The following EVC variants were observed in gnomAD, a reference collection of about 807,000 sequenced individuals.
EVC encodes the protein evC complex member EVC.
A neutral mutation model predicts 118.9 loss-of-function variants in EVC; 116 were observed. That is an observed-to-expected ratio of 0.98 (90% CI 0.84 to 1.14). The LOEUF (loss-of-function observed/expected upper bound fraction) is 1.14. EVC is among the 50% of genes most tolerant of loss of function. EVC has a pLI of 0.00. For synonymous variants in EVC, 619 were observed against 534.7 expected, an observed-to-expected ratio of 1.16 and a Z score of -2.18; for missense variants, 1,401 against 1,246.4, an observed-to-expected ratio of 1.12 and a Z score of -1.87.
In EVC at chr4:5,797,230, C is replaced by T; in HGVS notation, c.2095C>T (p.Leu699=). 6.2e-7 allele frequency: 1 copy of T among 1,604,918 alleles called. No individual in the cohort carries two copies. The highest frequency in any genetic ancestry group is 8.5e-7 in the Non-Finnish European group (1 of 1,176,884). ...DEHQWQLLRA[L]EARVLEEASR... ...GCATCAGTGGCAGCTGCTCAGGGCC[C>T]TGGTAAGACCAGCATGGTGGCCCCA... is the stretch of plus-strand genomic sequence containing the variant. The change falls in exon 14 of 21, where the codon CTG becomes TTG. Residue 699 remains leucine, a splice_region_variant and synonymous_variant. Coordinates refer to ENST00000264956, the MANE Select transcript of EVC (RefSeq NM_153717.3).
Position 5,798,883 on chromosome 4 carries a change from A to G in EVC, c.2304+91A>G, listed in dbSNP as rs1001319367. The stretch of plus-strand genomic sequence containing the variant: ...GGGTCTGCTCCTTGCCACACCGTTC[A>G]TGGAGCTTGTGGCCTAGTAGACTTT... On this transcript the variant is annotated intron_variant, in intron 15 of 20. Coordinates refer to ENST00000264956, the MANE Select transcript of EVC (RefSeq NM_153717.3). This position sits in a 1 kb window ranked among gnomAD's most constrained non-coding sequence, Gnocchi z 4.1. 15 of 1,378,852 alleles carry G rather than the reference A, an allele frequency of 1.1e-5. No individual in the cohort carries two copies. In the Admixed American group the frequency reaches 2.9e-4, roughly 27 times the overall value. 85.4% of individuals were successfully genotyped at this position (1,378,852 alleles called of 1,614,324 possible).
chr4:5,797,536 C>G, intron 14 of EVC: 1 of 507,252 alleles, frequency 2.0e-6, no homozygotes, highest in Non-Finnish European at 3.6e-6. Context: ...TCCTCCAGGT[C>G]CTTCCTCTGT....
intron 7 of EVC, 72 bp downstream of exon 7, chr4:5,745,413 G>C: frequency 1.3e-6 from 2 of 1,513,706 alleles, no homozygotes; most frequent in Non-Finnish European, 1.8e-6. Context: ...ACATTAGAGA[G>C]ATGATAGTTA....
chr4:5,758,875 C>T (rs1731580020), intron 11 of EVC, among the ~76,000 whole-genome samples: 1 of 152,178 alleles, frequency 6.6e-6, no homozygotes, highest in Non-Finnish European at 1.5e-5. Context: ...AAAGGGGATG[C>T]AGCACAGAGC....
chr4:5,764,334 G>A (rs372358749), intron 11 of EVC, among the ~76,000 whole-genome samples: 1 of 136,844 alleles, frequency 7.3e-6, no homozygotes, highest in Non-Finnish European at 1.6e-5. Context: ...TTGCATCAAT[G>A]TTCATCAAGG....
intron 17 of EVC, among the ~76,000 whole-genome samples, chr4:5,805,462 C>T (rs73795097): frequency 0.013 from 1,993 of 152,288 alleles, 47 homozygotes; most frequent in African/African-American, 0.044. Flanking sequence ...CGCCCTGCTG[C>T]AGGGTTTGCA....
At chr4:5,763,744 T>C (rs1301834996) in intron 11 of EVC, among the ~76,000 whole-genome samples, 1 of 115,588 alleles carries the variant, frequency 8.7e-6, no homozygotes, top group Non-Finnish European at 1.8e-5. Context: ...TTTTTGTACA[T>C]TGATTTTGTA....
chr4:5,766,660 T>C (rs1168417696), intron 11 of EVC, among the ~76,000 whole-genome samples: 1 of 141,442 alleles, frequency 7.1e-6, no homozygotes, highest in Non-Finnish European at 1.5e-5. Context: ...CACTTCATCT[T>C]CCATCGCTGA....
chr4:5,714,154 C>A (rs1400481707), intron 1 of EVC, among the ~76,000 whole-genome samples: 1 of 152,226 alleles, frequency 6.6e-6, no homozygotes, highest in Non-Finnish European at 1.5e-5. Flanking sequence ...AGATCACCTT[C>A]TTAACTAGGG....
chr4:5,768,917 C>G (rs1733479483), intron 11 of EVC, among the ~76,000 whole-genome samples: 1 of 151,988 alleles, frequency 6.6e-6, no homozygotes, highest in Non-Finnish European at 1.5e-5. Context: ...GTGCACAGAA[C>G]AGGCTCTCAA....
In EVC at chr4:5,804,835, A is replaced by T. The variant is rs951188954; in HGVS notation, c.2555A>T (p.His852Leu). 2.5e-6 allele frequency: 4 copies of T among 1,613,674 alleles called. No homozygotes were observed. The African/African-American group carries it at 5.3e-5, about 22-fold the overall frequency. ...GCTCATGAGACCTCCCAGGCGGTCC[A>T]CCAGAGGTGAGGTCCCAACTGAGGT... The part of the protein sequence containing the change: ...GGAHETSQAV[H>L]QRMLSQQKRF... Residue 852 changes from histidine (H) to leucine (L), a missense_variant, in exon 17 of 21, where the codon CAC becomes CTC. Transcript: ENST00000264956.
intron 11 of EVC, among the ~76,000 whole-genome samples, chr4:5,762,052 C>G (rs1240770362): frequency 3.1e-5 from 4 of 129,894 alleles, no homozygotes; most frequent in Admixed American, 1.6e-4. Flanking sequence ...TCCCTCCCCC[C>G]ACCCCCACCC....
intron 5 of EVC, among the ~76,000 whole-genome samples, chr4:5,739,455 A>T (rs983132002): frequency 6.6e-6 from 1 of 152,120 alleles, no homozygotes. Context: ...GCATTTTCTC[A>T]TCTGTAAAAT....
At chr4:5,823,495 G>T in the EVC span, among the ~76,000 whole-genome samples, 1 of 152,220 alleles carries the variant, frequency 6.6e-6, no homozygotes, top group Non-Finnish European at 1.5e-5. Flanking sequence ...ACTTCGTGTT[G>T]AAATTTGATC....
the EVC span, chr4:5,825,575 C>T: frequency 6.2e-6 from 10 of 1,600,870 alleles, no homozygotes; most frequent in African/African-American, 1.4e-5. This position sits in a 1 kb window ranked among gnomAD's most constrained non-coding sequence, Gnocchi z 4.4. Context: ...GCTGAAGGAG[C>T]GGGAGTTGCA....
At chr4:5,744,109 T>C (rs1050720408) in intron 6 of EVC, among the ~76,000 whole-genome samples, 1 of 152,216 alleles carries the variant, frequency 6.6e-6, no homozygotes, top group African/African-American at 2.4e-5. Flanking sequence ...CATAATTTCA[T>C]TTAACACTTG....
At position 5,755,490 on chromosome 4, in the gene EVC, C is replaced by T. The variant is rs1181925756; in HGVS notation, c.1465-774C>T. Among the ~76,000 whole-genome samples, 3 of 152,152 alleles carry T rather than the reference C, an allele frequency of 2.0e-5. No individual in the cohort carries two copies. Among genetic ancestry groups the T allele is most frequent in the African/African-American group, 4.8e-5 (2 of 41,428 alleles). ...CACCAGGCTCCCAGTACACACTCAG[C>T]ACCCACCTTTTTCCAGTCCCGCCCT... On this transcript the variant is annotated intron_variant, in intron 10 of 20. Transcript: ENST00000264956. The surrounding 1 kb of genome is among the most constrained non-coding windows in gnomAD (Gnocchi z 4.1).
rs1407007311 is a variant in EVC, at chr4:5,729,370, C to T, written c.364C>T (p.Pro122Ser). 6.2e-6 allele frequency: 10 copies of T among 1,613,938 alleles called. No homozygotes were observed. Among genetic ancestry groups the T allele is most frequent in the Non-Finnish European group, 8.5e-6 (10 of 1,180,018 alleles). ...AFALKAKVIY[P>S]INQKFRPLAD... ...CGCCCTGAAGGCCAAAGTCATCTAC[C>T]CCATCAATCAGAAGTTCCGGGTGAG... The change falls in exon 3 of 21, where the codon CCC becomes TCC. Residue 122 changes from proline to serine, a missense_variant. Coordinates refer to ENST00000264956, the MANE Select transcript of EVC (RefSeq NM_153717.3).
chr4:5,763,616 C>T (rs777211844), intron 11 of EVC, among the ~76,000 whole-genome samples: 2,789 of 120,768 alleles, frequency 0.023, 261 homozygotes, highest in Middle Eastern at 0.079. Context: ...AGGTCCTTCA[C>T]ATCCCTTGTA....
Sources: allele counts gnomAD v4.1 joint callset (sites outside exome capture counted in the v4.1 genomes callset), GRCh38; gene constraint gnomAD v4.1.1; non-coding constraint Gnocchi (gnomAD v3.1); transcripts MANE v1.5; gene names NCBI Gene and HGNC (gene_info 2026-07-23, HGNC 2026-07-21).